The following CYTH1 variants were observed in gnomAD, a reference collection of about 807,000 sequenced individuals.
CYTH1 encodes the protein cytohesin-1.
Under a neutral mutation model 61.8 loss-of-function variants are expected in CYTH1, and 18 were observed. That is an observed-to-expected ratio of 0.29 (90% confidence interval 0.20 to 0.43). CYTH1 has a LOEUF of 0.43. Among genes scored for constraint, CYTH1 ranks in the 20% least tolerant of loss-of-function variants. The probability of loss-of-function intolerance (pLI) is 1.00; values close to 1 mark genes in which losing one functional copy is unlikely to be tolerated. For synonymous variants in CYTH1, 174 were observed against 184.3 expected, an observed-to-expected ratio of 0.94 and a Z score of 0.45; for missense variants, 336 against 510.5, an observed-to-expected ratio of 0.66 and a Z score of 3.29.
rs1306003796 is a variant in CYTH1, at chr17:78,712,460, C to T, written c.23-2728G>A. On this transcript the variant is annotated intron_variant, in intron 1 of 13. Transcript: ENST00000446868. ...CTGAAGTCAGGAGTTCAAGACCAGCCTGGCCAACATGGTGAAACCCCGTCT... is the reference window on the plus strand; with the variant it reads ...CTGAAGTCAGGAGTTCAAGACCAGCTTGGCCAACATGGTGAAACCCCGTCT... Among the ~76,000 whole-genome samples the T allele has an allele frequency of 3.3e-5, 5 of 151,640 alleles. No individual in the cohort carries two copies. In the East Asian group the frequency reaches 9.7e-4, roughly 30 times the overall value.
At chr17:78,682,300 T>C (rs753534651) in intron 11 of CYTH1, among the ~76,000 whole-genome samples, 1 of 152,152 alleles carries the variant, frequency 6.6e-6, no homozygotes, top group East Asian at 1.9e-4. Context: ...CCAAAACCAA[T>C]TGCAAATGGT....
intron 1 of CYTH1, among the ~76,000 whole-genome samples, chr17:78,738,627 A>T (rs776461799): frequency 6.2e-4 from 73 of 118,634 alleles, no homozygotes; most frequent in African/African-American, 3.3e-3. Context: ...GCATATATTT[A>T]AAAAAAAAAA....
At chr17:78,752,172 G>A (rs2093382891) in intron 1 of CYTH1, among the ~76,000 whole-genome samples, 3 of 152,040 alleles carry the variant, frequency 2.0e-5, no homozygotes, top group South Asian at 2.1e-4. Context: ...CCCTCTCTTC[G>A]CCAGTTACAA....
intron 1 of CYTH1, among the ~76,000 whole-genome samples, chr17:78,738,956 C>T (rs1175097330): frequency 6.6e-6 from 1 of 152,242 alleles, no homozygotes; most frequent in Non-Finnish European, 1.5e-5. Flanking sequence ...AAGTGCTTGC[C>T]ACGTCCCTGA....
chr17:78,774,782 A>G (rs928687493), intron 1 of CYTH1, among the ~76,000 whole-genome samples: 3 of 152,116 alleles, frequency 2.0e-5, no homozygotes, highest in Non-Finnish European at 4.4e-5. Context: ...TCTGATATAA[A>G]TCCTCCTTTT....
chr17:78,712,076 A>AGAAAGAAG lies in CYTH1; in HGVS notation c.23-2352_23-2345dup, dbSNP rs372326443. Among the ~76,000 whole-genome samples the AGAAAGAAG allele has an allele frequency of 5.0e-3, 720 of 143,546 alleles. 35 individuals carry two copies. In the East Asian group the frequency reaches 0.11, roughly 21 times the overall value. The allele number at this position is 143,546 out of a possible 152,430, so 94.2% of individuals were successfully genotyped here. ...CCTGGGCAACAGAGCCAGACAAGAA[A>AGAAAGAAG]GAAAGAAGGAAAGAAGGAAAGAAGG... On this transcript the variant is annotated intron_variant, in intron 1 of 13. Transcript: ENST00000446868.
At chr17:78,723,627 T>TC (rs1459376275) in intron 1 of CYTH1, 1 of 152,380 alleles carries the variant, frequency 6.6e-6, no homozygotes, top group African/African-American at 2.4e-5. Context: ...CCTCCTACTA[T>TC]CCCCCATTCC....
In CYTH1 at chr17:78,709,692, C is replaced by T; in HGVS notation, c.63G>A (p.Glu21=). ...GCTCCTGTTTTCTCCGTCGGATGTT[C>T]TCCAGTTCTTGACGCTCCTCTGCTG... is the stretch of plus-strand genomic sequence containing the variant. The part of the protein sequence containing the change: ...DLTAEERQEL[E]NIRRRKQELL... Residue 21 remains glutamate, a synonymous_variant, in exon 2 of 14, where the codon GAG becomes GAA. Coordinates refer to ENST00000446868, the MANE Select transcript of CYTH1 (RefSeq NM_004762.6). 1 of 1,614,258 alleles carries T rather than the reference C, an allele frequency of 6.2e-7. No homozygotes were observed. Among genetic ancestry groups the T allele is most frequent in the Admixed American group, 1.7e-5 (1 of 60,036 alleles).
At chr17:78,733,073 T>C (rs1450653321) in intron 1 of CYTH1, among the ~76,000 whole-genome samples, 1 of 62,138 alleles carries the variant, frequency 1.6e-5, no homozygotes, top group African/African-American at 6.9e-5. Flanking sequence ...TGAGACTCCA[T>C]CTCAAAAAAA....
At chr17:78,721,725 C>G (rs2093230405) in intron 1 of CYTH1, among the ~76,000 whole-genome samples, 1 of 152,262 alleles carries the variant, frequency 6.6e-6, no homozygotes, top group Admixed American at 6.5e-5. Context: ...AGGATGTCAC[C>G]CAGCCCTTCT....
chr17:78,705,054 C>T (rs1408061648), intron 3 of CYTH1, among the ~76,000 whole-genome samples: 4 of 152,156 alleles, frequency 2.6e-5, no homozygotes, highest in Non-Finnish European at 5.9e-5. Context: ...TTACTTTGAT[C>T]AGTATTTCCA....
chr17:78,688,693 A>G (rs770313903), intron 11 of CYTH1, among the ~76,000 whole-genome samples: 10 of 152,150 alleles, frequency 6.6e-5, no homozygotes, highest in Non-Finnish European at 1.5e-4. Flanking sequence ...TCTGTTCTTG[A>G]TGTTTACATT....
At chr17:78,740,878 G>A (rs1056125326) in intron 1 of CYTH1, among the ~76,000 whole-genome samples, 11 of 152,172 alleles carry the variant, frequency 7.2e-5, no homozygotes, top group South Asian at 2.1e-4. Flanking sequence ...AGATTACTAC[G>A]TATTTATTTA....
At chr17:78,752,213 T>G (rs2093383066) in intron 1 of CYTH1, among the ~76,000 whole-genome samples, 1 of 152,256 alleles carries the variant, frequency 6.6e-6, no homozygotes, top group East Asian at 1.9e-4. Context: ...TGTTCAGATT[T>G]CTTTTTCTAT....
At chr17:78,707,746 TCTCAGCTCACTGCAAC>T (rs1306328761) in intron 3 of CYTH1, among the ~76,000 whole-genome samples, 1 of 151,388 alleles carries the variant, frequency 6.6e-6, no homozygotes, top group Admixed American at 6.6e-5. Context: ...AGTGGCGCGA[TCTCAGCTCACTGCAAC>T]CTCCACCTCC....
chr17:78,746,080 G>T (rs1159446012), intron 1 of CYTH1, among the ~76,000 whole-genome samples: 1 of 152,096 alleles, frequency 6.6e-6, no homozygotes, highest in Non-Finnish European at 1.5e-5. Context: ...TTGAGGGATA[G>T]TGATAATAGG....
intron 1 of CYTH1, among the ~76,000 whole-genome samples, chr17:78,723,055 G>C (rs569752316): frequency 6.6e-6 from 1 of 152,352 alleles, no homozygotes; most frequent in Admixed American, 6.5e-5. Flanking sequence ...CTTCAGAGGA[G>C]AGCATAGAAT....
At chr17:78,748,850 C>G (rs1164638649) in intron 1 of CYTH1, among the ~76,000 whole-genome samples, 1 of 152,116 alleles carries the variant, frequency 6.6e-6, no homozygotes, top group Non-Finnish European at 1.5e-5. Flanking sequence ...ATATATCACC[C>G]CTTCCTTGCA....
intron 1 of CYTH1, among the ~76,000 whole-genome samples, chr17:78,718,072 AC>A (rs1015178685): frequency 2.6e-5 from 4 of 152,126 alleles, no homozygotes; most frequent in African/African-American, 9.7e-5. Flanking sequence ...ACAAAAGGTA[AC>A]TACCTTAGTC....
Sources: allele counts gnomAD v4.1 joint callset (sites outside exome capture counted in the v4.1 genomes callset), GRCh38; gene constraint gnomAD v4.1.1; transcripts MANE v1.5; gene names NCBI Gene and HGNC (gene_info 2026-07-23, HGNC 2026-07-21).